VEGFC: variants seen among roughly 807,000 people sequenced by gnomAD.
The protein encoded by VEGFC is FLT4 ligand DHM.
A neutral mutation model predicts 46.1 loss-of-function variants in VEGFC; 12 were observed. The ratio of observed to expected loss-of-function variants is 0.26; its 90% CI spans 0.17 to 0.42. VEGFC has a LOEUF of 0.42. VEGFC is among the 10% of genes least tolerant of loss of function. The pLI is 1.00. For missense variants in VEGFC, 488 were observed against 529.4 expected (o/e 0.92, Z 0.77); for synonymous variants, 232 against 195.5 (o/e 1.19, Z -1.56).
At chr4:176,727,448 A>G (rs569309447) in intron 3 of VEGFC, among the ~76,000 whole-genome samples, 1 of 152,282 alleles carries the variant, frequency 6.6e-6, no homozygotes, top group East Asian at 1.9e-4. Flanking sequence ...TTGCCAAATG[A>G]ACATGTTTAT....
At chr4:176,782,274 G>A (rs937366889) in intron 1 of VEGFC, among the ~76,000 whole-genome samples, 5 of 152,094 alleles carry the variant, frequency 3.3e-5, no homozygotes, top group Non-Finnish European at 5.9e-5. Context: ...AGCAGCCTGG[G>A]CAACTTAGTG....
intron 1 of VEGFC, among the ~76,000 whole-genome samples, chr4:176,789,399 T>A (rs75863446): frequency 4.7e-3 from 718 of 152,324 alleles, no homozygotes; most frequent in Non-Finnish European, 5.3e-3. Context: ...ATATTCATAG[T>A]TCAGAAGACT....
intron 1 of VEGFC, among the ~76,000 whole-genome samples, chr4:176,760,262 C>T (rs1208240848): frequency 4.6e-5 from 7 of 152,054 alleles, no homozygotes; most frequent in Non-Finnish European, 8.8e-5. Flanking sequence ...AAATTACCTA[C>T]AAAGATCTTA....
chr4:176,758,358 G>A (rs183624490), intron 1 of VEGFC, among the ~76,000 whole-genome samples: 20 of 152,198 alleles, frequency 1.3e-4, no homozygotes, highest in African/African-American at 4.3e-4. Context: ...TCACCTCACC[G>A]ATCTACCAAA....
At chr4:176,722,733 C>G (rs896429336) in intron 3 of VEGFC, among the ~76,000 whole-genome samples, 1 of 152,040 alleles carries the variant, frequency 6.6e-6, no homozygotes, top group African/African-American at 2.4e-5. Flanking sequence ...TTCCTAAGCT[C>G]AAGAGATCTG....
At chr4:176,701,028 C>A (rs2110986231) in intron 4 of VEGFC, among the ~76,000 whole-genome samples, 1 of 152,230 alleles carries the variant, frequency 6.6e-6, no homozygotes, top group Admixed American at 6.5e-5. Flanking sequence ...ATGATTGACA[C>A]ATCATTTATA....
Position 176,763,646 on chromosome 4 carries a change from C to T in VEGFC, c.147+28519G>A, listed in dbSNP as rs1316406376. Among the ~76,000 whole-genome samples, 4 of 152,048 alleles carry T rather than the reference C, an allele frequency of 2.6e-5. No individual in the cohort carries two copies. The East Asian group carries it at 7.7e-4, about 29-fold the overall frequency. On this transcript the variant is annotated intron_variant, in intron 1 of 6. Transcript: ENST00000618562. ...AATCAATATTTAATAGAAATATCTT[C>T]AAATAATTTGGTTCATATTAACCCA...
intron 1 of VEGFC, among the ~76,000 whole-genome samples, chr4:176,785,833 T>G (rs560577995): frequency 2.0e-5 from 3 of 152,252 alleles, no homozygotes; most frequent in East Asian, 1.9e-4. Flanking sequence ...AATATGTGTG[T>G]GGGGGGTTCT....
chr4:176,705,750 A>G (rs892021456), intron 4 of VEGFC, among the ~76,000 whole-genome samples: 2 of 152,202 alleles, frequency 1.3e-5, no homozygotes, highest in Non-Finnish European at 2.9e-5. Context: ...TATTATTATT[A>G]TACTATGCTA....
chr4:176,687,553 C>T (rs7664413), intron 5 of VEGFC, 33 bp from the exon 6 acceptor site: 309,937 of 1,501,854 alleles, frequency 0.21, 33,669 homozygotes, highest in Admixed American at 0.34. Flanking sequence ...TTTACTATAC[C>T]TTACTTGGTT....
chr4:176,702,665 A>G (rs576075186), intron 4 of VEGFC, among the ~76,000 whole-genome samples: 2 of 152,246 alleles, frequency 1.3e-5, no homozygotes, highest in African/African-American at 4.8e-5. Flanking sequence ...TTATTTTATT[A>G]CATCTTTAGG....
chr4:176,788,170 G>A (rs985608117), intron 1 of VEGFC, among the ~76,000 whole-genome samples: 2 of 152,144 alleles, frequency 1.3e-5, no homozygotes, highest in African/African-American at 4.8e-5. Context: ...TTGAAAAACC[G>A]TTTGTCAGAA....
At chr4:176,759,238 G>A (rs1735485756) in intron 1 of VEGFC, among the ~76,000 whole-genome samples, 1 of 152,040 alleles carries the variant, frequency 6.6e-6, no homozygotes, top group African/African-American at 2.4e-5. Context: ...TGGGGGTTGA[G>A]CCCATATATT....
chr4:176,780,755 C>T (rs868265138), intron 1 of VEGFC, among the ~76,000 whole-genome samples: 4 of 152,168 alleles, frequency 2.6e-5, no homozygotes, highest in Admixed American at 6.5e-5. Context: ...GAGCGTCAGT[C>T]TTCTACGTGT....
At chr4:176,689,042 A>G (rs771863547) in intron 4 of VEGFC, among the ~76,000 whole-genome samples, 2 of 152,186 alleles carry the variant, frequency 1.3e-5, no homozygotes, top group Non-Finnish European at 2.9e-5. Flanking sequence ...TTTGGTTTTA[A>G]ATATGCTAAT....
At chr4:176,713,479 ATTAC>A (rs1734651010) in intron 3 of VEGFC, among the ~76,000 whole-genome samples, 1 of 152,050 alleles carries the variant, frequency 6.6e-6, no homozygotes, top group African/African-American at 2.4e-5. Flanking sequence ...AATTTATAAA[ATTAC>A]TTATTTTTTA....
intron 2 of VEGFC, among the ~76,000 whole-genome samples, chr4:176,728,509 A>G (rs1237920160): frequency 6.6e-6 from 1 of 152,208 alleles, no homozygotes; most frequent in African/African-American, 2.4e-5. Context: ...TACATAAAAT[A>G]CAAGGCTATT....
intron 1 of VEGFC, among the ~76,000 whole-genome samples, chr4:176,771,641 GC>G (rs1489713366): frequency 6.6e-6 from 1 of 152,160 alleles, no homozygotes; most frequent in Non-Finnish European, 1.5e-5. Flanking sequence ...ACACACTGCA[GC>G]AACAAGAAAA....
intron 4 of VEGFC, among the ~76,000 whole-genome samples, chr4:176,696,197 CCT>C (rs1432350131): frequency 1.3e-4 from 19 of 144,456 alleles, no homozygotes; most frequent in African/African-American, 4.9e-4. Context: ...TCAAATTGTC[CCT>C]GTTTGCAGAC....
Sources: allele counts gnomAD v4.1 joint callset (sites outside exome capture counted in the v4.1 genomes callset), GRCh38; gene constraint gnomAD v4.1.1; transcripts MANE v1.5; gene names NCBI Gene and HGNC (gene_info 2026-07-23, HGNC 2026-07-21).